Variants in CACNA1E observed in about 807,000 individuals in gnomAD.
CACNA1E encodes the protein calcium voltage-gated channel subunit alpha1 E.
Under a neutral mutation model 259.2 loss-of-function variants are expected in CACNA1E, and 40 were observed. The ratio of observed to expected loss-of-function variants is 0.15; its 90% CI spans 0.12 to 0.20. The LOEUF (loss-of-function observed/expected upper bound fraction) is 0.20, where lower values mean the gene tolerates loss of function less well. Among genes scored for constraint, CACNA1E ranks in the 10% least tolerant of loss-of-function variants. The pLI is 1.00. For synonymous variants in CACNA1E, 1,104 were observed against 1,138.5 expected (o/e 0.97, Z 0.61); for missense variants, 1,874 against 3,040.1 (o/e 0.62, Z 9.02).
intron 3 of CACNA1E, among the ~76,000 whole-genome samples, chr1:181,540,373 C>T (rs1668490984): frequency 6.6e-6 from 1 of 152,042 alleles, no homozygotes; most frequent in African/African-American, 2.4e-5. Flanking sequence ...AGTGTGTACT[C>T]CTTGTGTGCC....
At chr1:181,722,836 C>T (rs150739856) in intron 16 of CACNA1E, among the ~76,000 whole-genome samples, 1,529 of 152,210 alleles carry the variant, frequency 0.01, 10 homozygotes, top group Non-Finnish European at 0.016. Flanking sequence ...ACCCTGAAAA[C>T]ATCTAGAGGT....
At chr1:181,736,952 T>C (rs1164105792) in intron 22 of CACNA1E, among the ~76,000 whole-genome samples, 1 of 152,108 alleles carries the variant, frequency 6.6e-6, no homozygotes, top group Non-Finnish European at 1.5e-5. Context: ...AAGGTTAGAT[T>C]CAGGAAAGAT....
intron 7 of CACNA1E, among the ~76,000 whole-genome samples, chr1:181,708,640 A>G (rs1572662544): frequency 6.6e-6 from 1 of 152,238 alleles, no homozygotes; most frequent in African/African-American, 2.4e-5. Context: ...CCATTTGGCT[A>G]GGCAAATATG....
chr1:181,545,631 C>A (rs1647365096), intron 3 of CACNA1E, among the ~76,000 whole-genome samples: 1 of 152,178 alleles, frequency 6.6e-6, no homozygotes, highest in African/African-American at 2.4e-5. Flanking sequence ...TAGAATTTCT[C>A]CCCTGAGAAC....
rs530981412 is a variant in CACNA1E, at chr1:181,597,145, G to A, written c.951+16369G>A. Among the ~76,000 whole-genome samples, 4 of 152,258 alleles carry A rather than the reference G, an allele frequency of 2.6e-5. No homozygotes were observed. The South Asian group carries it at 8.3e-4, about 32-fold the overall frequency. On this transcript the variant is annotated intron_variant, in intron 6 of 47. Transcript: ENST00000367573. The stretch of plus-strand genomic sequence containing the variant: ...TTTCTGTTCTAATTTGGAAGAGCTT[G>A]CATGTTCTCGACTGCTGTGGCAACC...
intron 2 of CACNA1E, among the ~76,000 whole-genome samples, chr1:181,463,295 C>T (rs1159532139): frequency 1.3e-5 from 2 of 152,024 alleles, no homozygotes; most frequent in African/African-American, 4.8e-5. Flanking sequence ...GCTCTCTCTC[C>T]CTCTCTAAAA....
chr1:181,407,371 C>A (rs995430143), intron 1 of CACNA1E, among the ~76,000 whole-genome samples: 1 of 152,174 alleles, frequency 6.6e-6, no homozygotes, highest in Admixed American at 6.5e-5. Flanking sequence ...TTTTAGCAAC[C>A]TGACTCATCC....
intron 1 of CACNA1E, among the ~76,000 whole-genome samples, chr1:181,383,388 A>C (rs1304637309): frequency 6.6e-6 from 1 of 152,214 alleles, no homozygotes; most frequent in African/African-American, 2.4e-5. Context: ...TTCCCTGGTG[A>C]ATGCTGATTC....
At chr1:181,432,243 TCCTGAAGCCAAGGG>T (rs1156691473) in intron 2 of CACNA1E, among the ~76,000 whole-genome samples, 1 of 152,174 alleles carries the variant, frequency 6.6e-6, no homozygotes, top group African/African-American at 2.4e-5. Context: ...CAAGAGACCT[TCCTGAAGCCAAGGG>T]CCCTGGAAAT....
intron 2 of CACNA1E, among the ~76,000 whole-genome samples, chr1:181,419,480 C>A (rs896337673): frequency 6.6e-6 from 1 of 152,116 alleles, no homozygotes; most frequent in Non-Finnish European, 1.5e-5. Flanking sequence ...AGCATTCCCC[C>A]ATTGTCACTC....
chr1:181,433,594 T>C (rs1659863626), intron 2 of CACNA1E, among the ~76,000 whole-genome samples: 1 of 152,216 alleles, frequency 6.6e-6, no homozygotes, highest in East Asian at 1.9e-4. Flanking sequence ...TCACTCATAA[T>C]CCACTCACTC....
chr1:181,360,579 T>G (rs1020465229), intron 1 of CACNA1E, among the ~76,000 whole-genome samples: 1 of 152,074 alleles, frequency 6.6e-6, no homozygotes, highest in African/African-American at 2.4e-5. Flanking sequence ...TGGGGGAGAA[T>G]TGGGAGTGAC....
chr1:181,643,478 T>C (rs1288178458), intron 6 of CACNA1E, among the ~76,000 whole-genome samples: 1 of 152,196 alleles, frequency 6.6e-6, no homozygotes, highest in Admixed American at 6.5e-5. Context: ...TCTTGAATTG[T>C]CCTCCCAAGA....
intron 1 of CACNA1E, among the ~76,000 whole-genome samples, chr1:181,336,544 G>A (rs1399508019): frequency 6.6e-6 from 1 of 152,036 alleles, no homozygotes. Context: ...TTTTTTCTCT[G>A]TATTTATTTT....
intron 1 of CACNA1E, among the ~76,000 whole-genome samples, chr1:181,333,740 C>G (rs1651466966): frequency 6.6e-6 from 1 of 152,136 alleles, no homozygotes; most frequent in Non-Finnish European, 1.5e-5. Context: ...GCTGCAACCT[C>G]TGCCTCCCAG....
rs1049295503 is a variant in CACNA1E, at chr1:181,733,897, T to C, written c.3262+147T>C. 6.9e-6 allele frequency: 4 copies of C among 580,258 alleles called. No individual in the cohort carries two copies. The African/African-American group carries it at 7.7e-5, about 11-fold the overall frequency. The allele number at this position is 580,258 out of a possible 1,614,324, so 35.9% of individuals were successfully genotyped here. ...AAAATGAGTGGCGGTTTTCTCCCAG[T>C]GTGCAGAACAAAAATAAGCTAGCGT... On this transcript the variant is annotated intron_variant, in intron 21 of 47. Transcript: ENST00000367573.
rs147832024 is a variant in CACNA1E, at chr1:181,557,774, G to C, written c.513-19992G>C. Among the ~76,000 whole-genome samples the C allele has an allele frequency of 2.3e-4, 35 of 152,332 alleles. No homozygotes were observed. In the East Asian group the frequency reaches 3.3e-3, roughly 14 times the overall value. On this transcript the variant is annotated intron_variant, in intron 3 of 47. Coordinates refer to ENST00000367573, the MANE Select transcript of CACNA1E (RefSeq NM_001205293.3). ...GTCTCAGTGCTCATGAGAGGAGGGGGCAGAGCTGGCTCAGCGGCACTCTGT... is the reference window on the plus strand; with the variant it reads ...GTCTCAGTGCTCATGAGAGGAGGGGCCAGAGCTGGCTCAGCGGCACTCTGT...
chr1:181,344,714 C>T (rs1267458747), intron 1 of CACNA1E, among the ~76,000 whole-genome samples: 5 of 152,160 alleles, frequency 3.3e-5, no homozygotes, highest in African/African-American at 7.2e-5. Flanking sequence ...TTGGAGGAGT[C>T]CTTAGTGGAA....
chr1:181,479,018 T>C (rs1663053215), upstream of CACNA1E, among the ~76,000 whole-genome samples: 1 of 152,222 alleles, frequency 6.6e-6, no homozygotes. Flanking sequence ...ATAGTCTTCA[T>C]GGGCTTTATA....
Sources: gnomAD v4.1 joint callset for allele counts (sites outside exome capture counted in the v4.1 genomes callset) on GRCh38, gnomAD v4.1.1 for gene constraint, MANE v1.5 for transcripts, NCBI Gene and HGNC (gene_info 2026-07-23, HGNC 2026-07-21) for gene names.